Variants in UCK2 observed in about 807,000 individuals in gnomAD.
The protein encoded by UCK2 is uridine-cytidine kinase 2.
Under a neutral mutation model 30.8 loss-of-function variants are expected in UCK2, and 6 were observed. The ratio of observed to expected loss-of-function variants is 0.19; its 90% CI spans 0.11 to 0.38. UCK2 has a LOEUF of 0.38. Ranked by LOEUF, UCK2 falls within the 10% of genes least tolerant of loss-of-function variation. The probability of loss-of-function intolerance (pLI) is 1.00; values close to 1 mark genes in which losing one functional copy is unlikely to be tolerated. For synonymous variants in UCK2, 125 were observed against 133.6 expected (o/e 0.94, Z 0.45); for missense variants, 210 against 339.8 (o/e 0.62, Z 3.00).
At position 165,888,266 on chromosome 1, in the gene UCK2, TTTCTG is replaced by T. The variant is rs561653415; in HGVS notation, c.100-1918_100-1914del. 4.8e-3 allele frequency among the ~76,000 whole-genome samples: 735 copies of T among 152,214 alleles called. 7 individuals carry two copies. The highest frequency in any genetic ancestry group is 0.016 in the African/African-American group (672 of 41,530). ...TCATCAAACCTCTAAATATGCTGTTTTTCTGTTCTGTTCTGTTCTGTTCTTTTCTC... is the reference window on the plus strand; with the variant it reads ...TCATCAAACCTCTAAATATGCTGTTTTTCTGTTCTGTTCTGTTCTTTTCTC... On this transcript the variant is annotated intron_variant, in intron 1 of 6. Coordinates refer to ENST00000367879, the MANE Select transcript of UCK2 (RefSeq NM_012474.5).
chr1:165,873,593 T>G (rs1655256701), intron 1 of UCK2, among the ~76,000 whole-genome samples: 1 of 152,204 alleles, frequency 6.6e-6, no homozygotes, highest in Non-Finnish European at 1.5e-5. Context: ...TGAAAACCCT[T>G]TCTCCCGTTG....
chr1:165,891,104 C>A, intron 2 of UCK2, 122 bp from the exon 3 acceptor site: 2 of 829,572 alleles, frequency 2.4e-6, no homozygotes, highest in Non-Finnish European at 3.8e-6. Context: ...TTTTAGGGAG[C>A]AGTATGATTA....
chr1:165,904,887 A>C (rs137870040), intron 5 of UCK2, among the ~76,000 whole-genome samples: 14 of 152,392 alleles, frequency 9.2e-5, no homozygotes, highest in African/African-American at 3.1e-4. Flanking sequence ...CCAACAAAAA[A>C]GAAAAAGAAA....
rs1247848807 is a variant in UCK2, at chr1:165,910,571, C to G, written c.*2748C>G. 1 of 152,338 alleles carries G rather than the reference C, an allele frequency of 6.6e-6. No homozygotes were observed. The highest frequency in any genetic ancestry group is 2.4e-5 in the African/African-American group (1 of 41,440). The allele number at this position is 152,338 out of a possible 1,614,324, so 9.4% of individuals were successfully genotyped here. A position where few individuals can be genotyped will look rare whatever the true frequency, so the allele number is the denominator to read the frequency against. The stretch of plus-strand genomic sequence containing the variant: ...CTCTCACTCCTTCACACTAATGAGC[C>G]TTCTACTGACCCAAGTTTCTTTTTC... On this transcript the variant is annotated 3_prime_UTR_variant, in exon 7 of 7. Transcript: ENST00000367879.
chr1:165,840,676 G>A lies in UCK2; in HGVS notation c.99+12744G>A, dbSNP rs143370106. Among the ~76,000 whole-genome samples, 65 of 152,208 alleles carry A rather than the reference G, an allele frequency of 4.3e-4. No homozygotes were observed. The East Asian group carries it at 5.6e-3, about 13-fold the overall frequency. The stretch of plus-strand genomic sequence containing the variant: ...AGACCCATAGCTAGTCAGATATTGG[G>A]CACCCTCTTCCTGGGTCGACCTTTG... On this transcript the variant is annotated intron_variant, in intron 1 of 6. Coordinates refer to ENST00000367879, the MANE Select transcript of UCK2 (RefSeq NM_012474.5).
At chr1:165,885,545 T>G (rs1473242530) in intron 1 of UCK2, among the ~76,000 whole-genome samples, 1 of 152,236 alleles carries the variant, frequency 6.6e-6, no homozygotes, top group East Asian at 1.9e-4. Context: ...AGTAATGTGT[T>G]AGAAGTGGCA....
chr1:165,874,645 A>G (rs1252724798), intron 1 of UCK2, among the ~76,000 whole-genome samples: 1 of 152,180 alleles, frequency 6.6e-6, no homozygotes, highest in Non-Finnish European at 1.5e-5. Context: ...TCTCATTCTT[A>G]GGATATGCTT....
At chr1:165,839,031 G>A (rs1157262970) in intron 1 of UCK2, among the ~76,000 whole-genome samples, 1 of 152,064 alleles carries the variant, frequency 6.6e-6, no homozygotes, top group East Asian at 1.9e-4. Context: ...CTGGATGACA[G>A]AGCAAGACTT....
chr1:165,891,795 T>C (rs540265559), intron 3 of UCK2, among the ~76,000 whole-genome samples: 65 of 152,216 alleles, frequency 4.3e-4, no homozygotes, highest in African/African-American at 1.5e-3. Flanking sequence ...CCAGAAAGCT[T>C]CTCAGTGGAA....
At chr1:165,881,182 TAAAA>T (rs56886913) in intron 1 of UCK2, among the ~76,000 whole-genome samples, 5 of 92,852 alleles carry the variant, frequency 5.4e-5, no homozygotes, top group Admixed American at 5.0e-4. Context: ...CAATAAAACT[TAAAA>T]AAAAAAAAAA....
intron 1 of UCK2, among the ~76,000 whole-genome samples, chr1:165,869,498 C>G (rs1032328705): frequency 6.6e-6 from 1 of 151,886 alleles, no homozygotes. Flanking sequence ...TGAGGAGTTC[C>G]TATACTGTTT....
At chr1:165,828,073 G>A in intron 1 of UCK2, 141 bp downstream of exon 1, 2 of 436,546 alleles carry the variant, frequency 4.6e-6, no homozygotes, top group Middle Eastern at 9.7e-4. Context: ...CTCCAGCGCC[G>A]AGTGCGCCCC....
At chr1:165,899,670 C>T (rs1269409337) in intron 4 of UCK2, among the ~76,000 whole-genome samples, 4 of 152,218 alleles carry the variant, frequency 2.6e-5, no homozygotes, top group African/African-American at 7.2e-5. Context: ...TGTCCTGGCC[C>T]AGCAAATGTG....
chr1:165,895,932 C>G (rs1655886802), intron 3 of UCK2: 1 of 370,458 alleles, frequency 2.7e-6, no homozygotes. Context: ...AGAAGGATGT[C>G]TGCCGTGTAT....
At chr1:165,842,669 A>G (rs987486670) in intron 1 of UCK2, among the ~76,000 whole-genome samples, 1 of 152,164 alleles carries the variant, frequency 6.6e-6, no homozygotes, top group East Asian at 1.9e-4. Flanking sequence ...CCAGCTGCCA[A>G]TCTGGACCAC....
At chr1:165,903,641 G>T (rs1647558270) in intron 5 of UCK2, among the ~76,000 whole-genome samples, 1 of 152,150 alleles carries the variant, frequency 6.6e-6, no homozygotes, top group South Asian at 2.1e-4. Flanking sequence ...TCTCTGAAGG[G>T]TCTGCAATGG....
At chr1:165,832,058 C>T (rs1263223509) in intron 1 of UCK2, among the ~76,000 whole-genome samples, 5 of 152,256 alleles carry the variant, frequency 3.3e-5, no homozygotes, top group East Asian at 3.9e-4. Flanking sequence ...CATGAGCCAC[C>T]GTGCCCGGCC....
rs192172020 is a variant in UCK2 at position 165,869,030 on chromosome 1, G to A, written c.100-21174G>A. ...TAACTTCAATATTGTTCTGTCGCAG[G>A]AAATCATAGGGAGGCCCAAGAAGAG... On this transcript the variant is annotated intron_variant, in intron 1 of 6. Coordinates refer to ENST00000367879, the MANE Select transcript of UCK2 (RefSeq NM_012474.5). Among the ~76,000 whole-genome samples, 3 of 152,234 alleles carry A rather than the reference G, an allele frequency of 2.0e-5. No homozygotes were observed. In the East Asian group the frequency reaches 5.8e-4, roughly 29 times the overall value.
chr1:165,857,084 A>G (rs1654767115), intron 1 of UCK2, among the ~76,000 whole-genome samples: 1 of 152,086 alleles, frequency 6.6e-6, no homozygotes, highest in African/African-American at 2.4e-5. Context: ...TTCTCGAGTG[A>G]CCTTGAGTCA....
Sources: allele counts gnomAD v4.1 joint callset (sites outside exome capture counted in the v4.1 genomes callset), GRCh38; gene constraint gnomAD v4.1.1; transcripts MANE v1.5; gene names NCBI Gene and HGNC (gene_info 2026-07-23, HGNC 2026-07-21).